Variants in TBC1D5 observed in about 807,000 individuals in gnomAD.
The protein encoded by TBC1D5 is TBC1 domain family member 5.
TBC1D5 carries 75 observed loss-of-function variants against 100.3 expected under a neutral mutation model. That is an observed-to-expected ratio of 0.75 (90% CI 0.62 to 0.91). The LOEUF (loss-of-function observed/expected upper bound fraction) is 0.91, where lower values mean the gene tolerates loss of function less well. Ranked by LOEUF, TBC1D5 falls within the 40% of genes least tolerant of loss-of-function variation. TBC1D5 has a pLI of 0.00. For missense variants in TBC1D5, 910 were observed against 942.4 expected, an observed-to-expected ratio of 0.97 and a Z score of 0.45; for synonymous variants, 323 against 325.6, an observed-to-expected ratio of 0.99 and a Z score of 0.09.
intron 14 of TBC1D5, among the ~76,000 whole-genome samples, chr3:17,299,487 A>C (rs952901544): frequency 2.6e-5 from 4 of 152,230 alleles, no homozygotes; most frequent in Non-Finnish European, 5.9e-5. Context: ...GTCCAAACAC[A>C]CAAGAGTGAA....
intron 13 of TBC1D5, among the ~76,000 whole-genome samples, chr3:17,326,793 G>C (rs1050753212): frequency 6.6e-6 from 1 of 152,164 alleles, no homozygotes; most frequent in Admixed American, 6.5e-5. Context: ...ATATTAAAGA[G>C]TCATCTGAAA....
intron 1 of TBC1D5, among the ~76,000 whole-genome samples, chr3:17,658,772 C>G (rs1204021165): frequency 6.6e-6 from 1 of 152,170 alleles, no homozygotes; most frequent in Admixed American, 6.5e-5. Flanking sequence ...AAGCGATTCT[C>G]GTGCCTCAGC....
chr3:17,726,026 T>C (rs2076095950), intron 1 of TBC1D5, among the ~76,000 whole-genome samples: 1 of 152,194 alleles, frequency 6.6e-6, no homozygotes, highest in Non-Finnish European at 1.5e-5. Flanking sequence ...TTCACCCATG[T>C]TGTTACAACG....
intron 19 of TBC1D5, among the ~76,000 whole-genome samples, chr3:17,176,128 A>T (rs1317021862): frequency 6.6e-6 from 1 of 152,180 alleles, no homozygotes; most frequent in Non-Finnish European, 1.5e-5. Context: ...TGGTTCTGCT[A>T]TTACCTAGCT....
At chr3:17,596,069 T>A (rs1429409538) in intron 2 of TBC1D5, among the ~76,000 whole-genome samples, 1 of 152,096 alleles carries the variant, frequency 6.6e-6, no homozygotes, top group Non-Finnish European at 1.5e-5. Flanking sequence ...TTTCATGGTA[T>A]AGAGAATGGC....
chr3:17,607,601 TCC>T (rs1375176057), intron 2 of TBC1D5, among the ~76,000 whole-genome samples: 1 of 150,292 alleles, frequency 6.7e-6, no homozygotes, highest in Non-Finnish European at 1.5e-5. Context: ...GCCCTTTTAG[TCC>T]CCTATTCAGC....
At chr3:17,362,515 A>G (rs1209331719) in intron 13 of TBC1D5, among the ~76,000 whole-genome samples, 1 of 151,952 alleles carries the variant, frequency 6.6e-6, no homozygotes, top group Non-Finnish European at 1.5e-5. Context: ...TCTGTCGTCC[A>G]GGCTGGAGTA....
At chr3:17,533,064 C>T (rs2096248074) in intron 2 of TBC1D5, among the ~76,000 whole-genome samples, 1 of 125,972 alleles carries the variant, frequency 7.9e-6, no homozygotes, top group Non-Finnish European at 1.6e-5. Flanking sequence ...CACACACACA[C>T]ACATACACAG....
chr3:17,666,560 A>C (rs2067274502), intron 1 of TBC1D5, among the ~76,000 whole-genome samples: 1 of 152,202 alleles, frequency 6.6e-6, no homozygotes, highest in Non-Finnish European at 1.5e-5. Flanking sequence ...ATACTTATTT[A>C]GCAGTATTTA....
chr3:17,185,321 T>C, intron 18 of TBC1D5, 113 bp from the exon 20 acceptor site: 1 of 729,942 alleles, frequency 1.4e-6, no homozygotes. Flanking sequence ...TTTTTAAACC[T>C]AGACAAATCT....
intron 21 of TBC1D5, among the ~76,000 whole-genome samples, chr3:17,164,903 C>T (rs1215867590): frequency 6.6e-6 from 1 of 152,228 alleles, no homozygotes; most frequent in Non-Finnish European, 1.5e-5. Flanking sequence ...TTTCTCTCTT[C>T]TTCAGTAAAA....
chr3:17,234,328 T>C (rs1576170924), intron 17 of TBC1D5, among the ~76,000 whole-genome samples: 2 of 152,214 alleles, frequency 1.3e-5, no homozygotes, highest in South Asian at 4.1e-4. Flanking sequence ...GATATACTTA[T>C]TGTAGGCAAG....
chr3:17,493,065 T>G (rs77184819), intron 3 of TBC1D5, among the ~76,000 whole-genome samples: 1 of 152,324 alleles, frequency 6.6e-6, no homozygotes, highest in African/African-American at 2.4e-5. Flanking sequence ...TTGTAGTGGC[T>G]GGTAATGGTT....
chr3:17,317,079 T>G (rs1559618560), intron 13 of TBC1D5, among the ~76,000 whole-genome samples: 1 of 152,146 alleles, frequency 6.6e-6, no homozygotes, highest in Non-Finnish European at 1.5e-5. Flanking sequence ...CTGTGCCCCC[T>G]CCACGCTAAA....
intron 15 of TBC1D5, among the ~76,000 whole-genome samples, chr3:17,269,221 C>G (rs1004285838): frequency 1.3e-5 from 2 of 152,128 alleles, no homozygotes; most frequent in Non-Finnish European, 2.9e-5. Flanking sequence ...CATCCAGTAC[C>G]TCACCTGAAT....
chr3:17,737,971 T>A (rs1442375718), intron 1 of TBC1D5, among the ~76,000 whole-genome samples: 1 of 152,220 alleles, frequency 6.6e-6, no homozygotes, highest in African/African-American at 2.4e-5. Flanking sequence ...TATCTTTAGA[T>A]GTTTTTCATC....
intron 15 of TBC1D5, among the ~76,000 whole-genome samples, chr3:17,264,939 T>TACATGAATTTA (rs2078697511): frequency 6.6e-6 from 1 of 152,198 alleles, no homozygotes; most frequent in Non-Finnish European, 1.5e-5. Context: ...GAAAAAGTGA[T>TACATGAATTTA]GTTTCATACT....
intron 2 of TBC1D5, among the ~76,000 whole-genome samples, chr3:17,536,948 A>G (rs1008371283): frequency 2.6e-5 from 4 of 152,274 alleles, no homozygotes; most frequent in South Asian, 2.1e-4. Flanking sequence ...CTTCTAAGAA[A>G]ATATATGGTA....
intron 3 of TBC1D5, among the ~76,000 whole-genome samples, chr3:17,456,031 C>T (rs2095076971): frequency 6.6e-6 from 1 of 152,052 alleles, no homozygotes; most frequent in African/African-American, 2.4e-5. Context: ...AAAGGTGCCA[C>T]TAACATACAT....
Sources: allele counts gnomAD v4.1 joint callset (sites outside exome capture counted in the v4.1 genomes callset), GRCh38; gene constraint gnomAD v4.1.1; transcripts MANE v1.5; gene names NCBI Gene and HGNC (gene_info 2026-07-23, HGNC 2026-07-21).